Variants in PGBD5 observed in about 807,000 individuals in gnomAD.
The protein encoded by PGBD5 is piggyBac transposable element derived 5, also known as piggyBac transposable element-derived protein 5.
Under a neutral mutation model 47.9 loss-of-function variants are expected in PGBD5, and 14 were observed. The ratio of observed to expected loss-of-function variants is 0.29; its 90% confidence interval spans 0.19 to 0.46. The LOEUF (loss-of-function observed/expected upper bound fraction) is 0.46. Ranked by LOEUF, PGBD5 falls within the 20% of genes least tolerant of loss-of-function variation. PGBD5 has a pLI of 1.00. For missense variants in PGBD5, 635 were observed against 716.0 expected, an observed-to-expected ratio of 0.89 and a Z score of 1.29; for synonymous variants, 316 against 306.3, an observed-to-expected ratio of 1.03 and a Z score of -0.33.
chr1:230,364,479 G>C (rs1294041104), intron 1 of PGBD5, among the ~76,000 whole-genome samples: 1 of 152,254 alleles, frequency 6.6e-6, no homozygotes, highest in African/African-American at 2.4e-5. Flanking sequence ...AAAACCCCAA[G>C]TATAGCTTCA....
At position 230,322,449 on chromosome 1, in the gene PGBD5, G is replaced by A. The variant is rs1263937051; in HGVS notation, c.*976C>T. 1.3e-5 allele frequency: 2 copies of A among 152,374 alleles called. No homozygotes were observed. Among genetic ancestry groups the A allele is most frequent in the Admixed American group, 6.5e-5 (1 of 15,288 alleles). 9.4% of individuals were successfully genotyped at this position (152,374 alleles called of 1,614,324 possible). ...TGGCCATCGTAGAGAATTCGGTTGT[G>A]TGTTTCAGCAATGCTACTTATTTTT... On this transcript the variant is annotated 3_prime_UTR_variant, in exon 7 of 7. Coordinates refer to ENST00000391860, the MANE Select transcript of PGBD5 (RefSeq NM_001258311.2). The surrounding 1 kb of genome is among the most constrained non-coding windows in gnomAD (Gnocchi z 5.9).
At chr1:230,367,856 G>A (rs911753327) in intron 1 of PGBD5, 3 of 1,252,948 alleles carry the variant, frequency 2.4e-6, no homozygotes, top group South Asian at 2.6e-5. Context: ...TTTCATTCTC[G>A]CAACAGCCAA....
chr1:230,333,338 T>C (rs1395440959), intron 4 of PGBD5, among the ~76,000 whole-genome samples: 1 of 152,194 alleles, frequency 6.6e-6, no homozygotes, highest in Non-Finnish European at 1.5e-5. Flanking sequence ...CAGCAGGAGC[T>C]GTCACCTGGA....
intron 5 of PGBD5, among the ~76,000 whole-genome samples, chr1:230,329,085 A>T (rs1051453196): frequency 6.6e-6 from 1 of 151,518 alleles, no homozygotes; most frequent in Non-Finnish European, 1.5e-5. Flanking sequence ...AGTAGCTTGG[A>T]CTACTACAGC....
chr1:230,351,372 GTTA>G (rs1348069946), intron 2 of PGBD5, among the ~76,000 whole-genome samples: 1 of 151,348 alleles, frequency 6.6e-6, no homozygotes. Flanking sequence ...TATTATTATT[GTTA>G]TTATTGGCCT....
chr1:230,357,214 T>C lies in PGBD5; in HGVS notation c.439A>G (p.Lys147Glu), dbSNP rs1457298393. The C allele has an allele frequency of 1.2e-6, 2 of 1,614,136 alleles. No homozygotes were observed. The stretch of plus-strand genomic sequence containing the variant: ...CTCCCAAACCGCTCCTGGAACTTCT[T>C]GGCATACATGTTTGTCTGCACCACC... ...NMVVQTNMYA[K>E]KFQERFGSDG... Residue 147 changes from lysine to glutamate, a missense_variant, in exon 2 of 7, where the codon AAG becomes GAG. Coordinates refer to ENST00000391860, the MANE Select transcript of PGBD5 (RefSeq NM_001258311.2). This position sits in a 1 kb window ranked among gnomAD's most constrained non-coding sequence, Gnocchi z 5.7.
intron 3 of PGBD5, among the ~76,000 whole-genome samples, chr1:230,345,066 A>C (rs1222115699): frequency 6.6e-6 from 1 of 152,232 alleles, no homozygotes; most frequent in East Asian, 1.9e-4. Flanking sequence ...CAACGTGTTC[A>C]AACAGGAGAA....
At chr1:230,366,582 G>A (rs940198632) in intron 1 of PGBD5, among the ~76,000 whole-genome samples, 1 of 152,168 alleles carries the variant, frequency 6.6e-6, no homozygotes, top group African/African-American at 2.4e-5. Flanking sequence ...TGAGGTTCTG[G>A]ACCAGGCTCC....
At chr1:230,397,046 G>A (rs1657002664) in intron 1 of PGBD5, among the ~76,000 whole-genome samples, 1 of 152,222 alleles carries the variant, frequency 6.6e-6, no homozygotes, top group African/African-American at 2.4e-5. Context: ...TGGAGAGGGA[G>A]TTCACCTGGT....
intron 1 of PGBD5, among the ~76,000 whole-genome samples, chr1:230,402,294 C>T (rs956222001): frequency 1.8e-4 from 27 of 152,354 alleles, no homozygotes; most frequent in Middle Eastern, 3.4e-3. Context: ...GGCAGGCCCA[C>T]AGAAGTCCAC....
rs1256358069 is a variant in PGBD5 at position 230,316,093 on chromosome 1, C to T, written c.*7332G>A. ...ACATACATGTTTATGTGTATACATA[C>T]ATATGTTTATGTGTACACATATATC... On this transcript the variant is annotated 3_prime_UTR_variant, in exon 7 of 7. Coordinates refer to ENST00000391860, the MANE Select transcript of PGBD5 (RefSeq NM_001258311.2). The T allele has an allele frequency of 6.9e-6, 1 of 145,762 alleles. No individual in the cohort carries two copies. The highest frequency in any genetic ancestry group is 2.5e-5 in the African/African-American group (1 of 39,452). 9.0% of individuals were successfully genotyped at this position (145,762 alleles called of 1,614,324 possible).
At chr1:230,362,346 C>A (rs1337588619) in intron 1 of PGBD5, 1 of 1,367,240 alleles carries the variant, frequency 7.3e-7, no homozygotes, top group Admixed American at 1.9e-5. Context: ...GCCGAGGCGT[C>A]GACTCCATCC....
At position 230,364,246 on chromosome 1, in the gene PGBD5, C is replaced by T. The variant is rs569946261; in HGVS notation, c.332-6925G>A. 6.6e-5 allele frequency among the ~76,000 whole-genome samples: 10 copies of T among 152,370 alleles called. No homozygotes were observed. In the South Asian group the frequency reaches 8.3e-4, roughly 13 times the overall value. ...GGACACCACTGGGTTTGGCACCCTT[C>T]GATCTGGGTAGCCAGGTGAAATAAC... On this transcript the variant is annotated intron_variant, in intron 1 of 6. Transcript: ENST00000391860.
intron 5 of PGBD5, among the ~76,000 whole-genome samples, chr1:230,325,738 T>G (rs374883042): frequency 2.6e-5 from 4 of 152,222 alleles, no homozygotes; most frequent in South Asian, 4.2e-4. Flanking sequence ...TGCATCCGAC[T>G]GGGCCTTGAA....
chr1:230,381,456 G>A (rs940199421), intron 1 of PGBD5, among the ~76,000 whole-genome samples: 3 of 152,310 alleles, frequency 2.0e-5, no homozygotes, highest in Admixed American at 6.5e-5. Context: ...GCCAGGGGCC[G>A]CCACTGGATG....
chr1:230,356,290 C>T (rs959289319), intron 2 of PGBD5, among the ~76,000 whole-genome samples: 2 of 152,072 alleles, frequency 1.3e-5, no homozygotes, highest in Non-Finnish European at 2.9e-5. Flanking sequence ...CAAGTGGATA[C>T]CAGTGGAAGG....
At chr1:230,389,053 C>A (rs1656721304) in intron 1 of PGBD5, among the ~76,000 whole-genome samples, 2 of 152,188 alleles carry the variant, frequency 1.3e-5, no homozygotes, top group Admixed American at 6.5e-5. Context: ...ACCGCTGCTG[C>A]AAGGAGACAA....
chr1:230,392,773 C>A (rs530808577), intron 1 of PGBD5, among the ~76,000 whole-genome samples: 16 of 152,258 alleles, frequency 1.1e-4, no homozygotes, highest in African/African-American at 3.8e-4. Flanking sequence ...CCCCACAGTG[C>A]TTGGCTCTCC....
At chr1:230,353,240 A>G (rs1667585823) in intron 2 of PGBD5, among the ~76,000 whole-genome samples, 1 of 152,182 alleles carries the variant, frequency 6.6e-6, no homozygotes, top group African/African-American at 2.4e-5. Context: ...ACATGACTGT[A>G]TCTCCTGAGC....
Sources: gnomAD v4.1 joint callset for allele counts (sites outside exome capture counted in the v4.1 genomes callset) on GRCh38, gnomAD v4.1.1 for gene constraint, Gnocchi (gnomAD v3.1) non-coding constraint, MANE v1.5 for transcripts, NCBI Gene and HGNC (gene_info 2026-07-23, HGNC 2026-07-21) for gene names.